Variants in DNAH2 observed in about 807,000 individuals in gnomAD.
The protein encoded by DNAH2 is axonemal beta dynein heavy chain 2.
Under a neutral mutation model 523.5 loss-of-function variants are expected in DNAH2, and 323 were observed. The ratio of observed to expected loss-of-function variants is 0.62; its 90% CI spans 0.56 to 0.68. DNAH2 has a LOEUF of 0.68. Among genes scored for constraint, DNAH2 ranks in the 30% least tolerant of loss-of-function variants. The pLI is 0.00. For synonymous variants in DNAH2, 2,093 were observed against 2,177.4 expected, an observed-to-expected ratio of 0.96 and a Z score of 1.08; for missense variants, 4,907 against 5,701.5, an observed-to-expected ratio of 0.86 and a Z score of 4.49.
rs2076668316 is a variant in DNAH2, at chr17:7,783,875, A to G, written c.6130-2249A>G. Among the ~76,000 whole-genome samples, 6 of 152,216 alleles carry G rather than the reference A, an allele frequency of 3.9e-5. 1 individual carries two copies. In the South Asian group the frequency reaches 1.2e-3, roughly 32 times the overall value. ...ACTATTAGATCCTAGGGAAAACAAA[A>G]AAAGTTGCCCAAGAAAGGAAAAGTA... is the stretch of plus-strand genomic sequence containing the variant. On this transcript the variant is annotated intron_variant, in intron 39 of 85. Transcript: ENST00000572933.
In DNAH2 at chr17:7,794,233, C is replaced by T. The variant is rs150694860; in HGVS notation, c.7570-21C>T. On this transcript the variant is annotated intron_variant, in intron 48 of 85. Transcript: ENST00000572933. ...CCCTCTCCCCTCCTGCCTGTCTGCC[C>T]TCCTTGTCGCTGCTCTCTAGGAAAT... 1.1e-3 allele frequency: 1,810 copies of T among 1,582,892 alleles called. 14 individuals are homozygous for T. In the African/African-American group the frequency reaches 0.021, roughly 18 times the overall value.
Position 7,792,857 on chromosome 17 carries a change from T to C in DNAH2, c.7344+2T>C. 2 of 1,611,278 alleles carry C rather than the reference T, an allele frequency of 1.2e-6. No homozygotes were observed. The highest frequency in any genetic ancestry group is 1.7e-6 in the Non-Finnish European group (2 of 1,177,630). ...CTCGTTGTCAACATGTCCGCACAGG[T>C]GTGTCGGGGATCCAGGGGCCAGGCT... On this transcript the variant is annotated splice_donor_variant, in intron 47 of 85. Coordinates refer to ENST00000572933, the MANE Select transcript of DNAH2 (RefSeq NM_020877.5). LOFTEE classifies it high-confidence loss of function.
chr17:7,829,176 G>C (rs1338237214), intron 77 of DNAH2, among the ~76,000 whole-genome samples: 2 of 152,042 alleles, frequency 1.3e-5, no homozygotes, highest in African/African-American at 4.8e-5. Context: ...CACCACGCCT[G>C]GCTAATTTTT....
intron 11 of DNAH2, among the ~76,000 whole-genome samples, chr17:7,741,341 C>T (rs71371816): frequency 2.6e-5 from 3 of 117,030 alleles, no homozygotes; most frequent in Admixed American, 1.0e-4. Flanking sequence ...TTCCTTCCTT[C>T]CTTCCTTCCT....
chr17:7,733,006 A>G (rs2075033917), intron 4 of DNAH2, 81 bp from the exon 5 acceptor site: 2 of 1,448,368 alleles, frequency 1.4e-6, no homozygotes, highest in Admixed American at 3.6e-5. Flanking sequence ...GGGACGTGAG[A>G]AAGAACTCAG....
At chr17:7,804,542 C>T in intron 59 of DNAH2, 76 bp downstream of exon 59, 1 of 1,511,160 alleles carries the variant, frequency 6.6e-7, no homozygotes, top group Admixed American at 1.9e-5. Flanking sequence ...CCATGTTCCC[C>T]CCTTCTTAAA....
At chr17:7,762,609 C>T (rs138080224) in intron 18 of DNAH2, among the ~76,000 whole-genome samples, 5,301 of 152,164 alleles carry the variant, frequency 0.035, 211 homozygotes, top group African/African-American at 0.1. Context: ...GCTGGGATTA[C>T]GGGCCTGAGC....
Position 7,830,423 on chromosome 17 carries a change from C to G in DNAH2, c.11977C>G (p.Leu3993Val). The G allele has an allele frequency of 1.9e-6, 3 of 1,614,246 alleles. No homozygotes were observed. Among genetic ancestry groups the G allele is most frequent in the Non-Finnish European group, 2.5e-6 (3 of 1,180,048 alleles). The change falls in exon 78 of 86, where the codon CTT becomes GTT. Residue 3993 changes from leucine to valine, a missense_variant. Physicochemically the swap from Leu to Val is conservative, Grantham distance 32. Around this residue, in one of 3 missense-constraint regions of DNAH2, gnomAD observed 1,851 missense variants for 2,139.4 expected, o/e 0.87. Coordinates refer to ENST00000572933, the MANE Select transcript of DNAH2 (RefSeq NM_020877.5). ...FSLCFFHSVL[L>V]ERKKFLQLGW... ...ACTCTGTTTCTTCCACTCTGTGTTA[C>G]TTGAACGCAAAAAGTTCCTGCAGCT...
intron 50 of DNAH2, among the ~76,000 whole-genome samples, chr17:7,796,959 G>A (rs2077082237): frequency 6.8e-6 from 1 of 146,908 alleles, no homozygotes; most frequent in Non-Finnish European, 1.5e-5. Context: ...AAAATTAGCT[G>A]GGCATGGTGG....
In DNAH2 at chr17:7,816,665, A is replaced by C. The variant is rs757436369; in HGVS notation, c.9824A>C (p.Lys3275Thr). 1 of 1,614,230 alleles carries C rather than the reference A, an allele frequency of 6.2e-7. No individual in the cohort carries two copies. The highest frequency in any genetic ancestry group is 2.2e-5 in the East Asian group (1 of 44,882). ...LRKKSEEMEL[K>T]LERAGMLVSG... ...AAGAAGTCTGAAGAGATGGAGCTGA[A>C]GCTGGAGCGAGCTGGGATGCTCGTG... The change falls in exon 64 of 86, where the codon AAG (lysine) becomes ACG (threonine). Residue 3275 changes from lysine to threonine, a missense_variant. Coordinates refer to ENST00000572933, the MANE Select transcript of DNAH2 (RefSeq NM_020877.5).
intron 39 of DNAH2, among the ~76,000 whole-genome samples, 182 bp from the exon 40 acceptor site, chr17:7,785,942 G>C (rs1216820825): frequency 6.6e-6 from 1 of 152,182 alleles, no homozygotes; most frequent in African/African-American, 2.4e-5. Flanking sequence ...GGACTCCAGA[G>C]CCCAATCTTT....
intron 11 of DNAH2, among the ~76,000 whole-genome samples, chr17:7,741,242 CTTTCTTTCTTTCTT>C (rs2075312499): frequency 1.1e-4 from 3 of 28,258 alleles, no homozygotes; most frequent in African/African-American, 5.1e-4. Context: ...CTCTCTCTTT[CTTTCTTTCTTTCTT>C]TCTTTCTTTC....
In DNAH2 at chr17:7,832,125, A is replaced by T. The variant is rs1196869264; in HGVS notation, c.12726+350A>T. ...CTGTCGTTGTATGCCTCTTTCCTAG[A>T]AGTTGGCTTTGGAGAGCTTTGTTCA... On this transcript the variant is annotated intron_variant, in intron 82 of 85. Transcript: ENST00000572933. This position sits in a 1 kb window ranked among gnomAD's most constrained non-coding sequence, Gnocchi z 4.3. Among the ~76,000 whole-genome samples, 1 of 152,104 alleles carries T rather than the reference A, an allele frequency of 6.6e-6. No individual in the cohort carries two copies.
chr17:7,812,396 T>C (rs990215276), intron 63 of DNAH2, among the ~76,000 whole-genome samples: 3 of 152,030 alleles, frequency 2.0e-5, no homozygotes, highest in South Asian at 2.1e-4. Flanking sequence ...GGCCGGGGGA[T>C]TGCTTGAGCC....
intron 2 of DNAH2, among the ~76,000 whole-genome samples, chr17:7,721,070 A>G (rs1043574502): frequency 2.2e-5 from 3 of 138,702 alleles, no homozygotes; most frequent in East Asian, 2.2e-4. Context: ...GTGCATTGGC[A>G]TAATCTCAGC....
chr17:7,826,592 C>T (rs1445458618), intron 77 of DNAH2, among the ~76,000 whole-genome samples: 11 of 132,230 alleles, frequency 8.3e-5, no homozygotes, highest in Admixed American at 5.6e-4. Flanking sequence ...CAGGCTGGAG[C>T]GCAGTGGCGC....
In DNAH2 at chr17:7,797,542, G is replaced by C. The variant is rs1567716566; in HGVS notation, c.8080+12G>C. On this transcript the variant is annotated intron_variant, in intron 52 of 85. Coordinates refer to ENST00000572933, the MANE Select transcript of DNAH2 (RefSeq NM_020877.5). The stretch of plus-strand genomic sequence containing the variant: ...TCCTCCTATCTTTGGTGAGCCAGGA[G>C]CTGTGATGACCTTGGGCTTGACACT... The C allele has an allele frequency of 6.2e-7, 1 of 1,614,196 alleles. No individual in the cohort carries two copies.
At chr17:7,719,955 A>C (rs2074547928) in intron 2 of DNAH2, 55 bp downstream of exon 2, 25 of 1,439,286 alleles carry the variant, frequency 1.7e-5, no homozygotes, top group Non-Finnish European at 2.2e-5. Context: ...GGAAAGTCAG[A>C]GGGGCTTGGA....
chr17:7,781,611 C>T (rs2076606685), intron 39 of DNAH2, among the ~76,000 whole-genome samples: 1 of 152,230 alleles, frequency 6.6e-6, no homozygotes, highest in African/African-American at 2.4e-5. Context: ...AGTCAATTGA[C>T]CTCTCTTTGG....
Sources: allele counts gnomAD v4.1 joint callset (sites outside exome capture counted in the v4.1 genomes callset), GRCh38; gene constraint gnomAD v4.1.1; regional missense constraint gnomAD v4.1.1; non-coding constraint Gnocchi (gnomAD v3.1); transcripts MANE v1.5; gene names NCBI Gene and HGNC (gene_info 2026-07-23, HGNC 2026-07-21).